CNKSR2: variants seen among roughly 807,000 people sequenced by gnomAD.
CNKSR2 encodes connector enhancer of kinase suppressor of Ras 2.
A neutral mutation model predicts 84.4 loss-of-function variants in CNKSR2; 14 were observed. The observed-to-expected ratio is 0.17, with a 90% confidence interval of 0.11 to 0.26. The LOEUF is 0.26. Ranked by LOEUF, CNKSR2 falls within the 10% of genes least tolerant of loss-of-function variation. The pLI, the probability that CNKSR2 is intolerant of heterozygous loss-of-function variation, is 1.00. For missense variants in CNKSR2, 485 were observed against 771.2 expected (o/e 0.63, Z 4.40); for synonymous variants, 275 against 277.9 (o/e 0.99, Z 0.10).
intron 8 of CNKSR2, chrX:21,503,322 TA>T (rs1213110652): frequency 6.8e-6 from 2 of 293,517 alleles, no homozygotes; most frequent in Admixed American, 1.2e-4. Context: ...GAAATTGACT[TA>T]TGGCTTTAAG....
At chrX:21,469,189 G>C (rs181337448) in intron 4 of CNKSR2, among the ~76,000 whole-genome samples, 2 of 111,513 alleles carry the variant, frequency 1.8e-5, no homozygotes, top group East Asian at 5.6e-4. Context: ...ATTCTGGGAA[G>C]GTAGGCAAAT....
chrX:21,632,144 T>A (rs1413339135), intron 20 of CNKSR2, among the ~76,000 whole-genome samples: 5 of 111,782 alleles, frequency 4.5e-5, no homozygotes, highest in Non-Finnish European at 9.4e-5. Flanking sequence ...AACCCACCCT[T>A]CTTAGCAGGT....
intron 18 of CNKSR2, among the ~76,000 whole-genome samples, chrX:21,603,070 T>C (rs1289500328): frequency 8.9e-6 from 1 of 112,379 alleles, no homozygotes; most frequent in Non-Finnish European, 1.9e-5. Flanking sequence ...ACTGGTAAGC[T>C]ATATAGTTGT....
intron 1 of CNKSR2, among the ~76,000 whole-genome samples, chrX:21,420,969 TTGTGGCCTAGAC>T (rs1417245162): frequency 9.0e-6 from 1 of 111,359 alleles, no homozygotes; most frequent in African/African-American, 3.3e-5. Context: ...TTTGCAGTCC[TTGTGGCCTAGAC>T]TGTGTTTCAA....
intron 1 of CNKSR2, among the ~76,000 whole-genome samples, chrX:21,413,268 T>C (rs553665574): frequency 9.0e-6 from 1 of 111,255 alleles, no homozygotes; most frequent in South Asian, 3.8e-4. Flanking sequence ...TGAATAAAAA[T>C]GTATACACAT....
chrX:21,419,240 T>C (rs1359795792), intron 1 of CNKSR2, among the ~76,000 whole-genome samples: 2 of 110,969 alleles, frequency 1.8e-5, no homozygotes, highest in East Asian at 5.7e-4. Flanking sequence ...TCTGCTTGAT[T>C]CTTTTAGATT....
intron 13 of CNKSR2, among the ~76,000 whole-genome samples, chrX:21,579,671 T>C (rs947317605): frequency 2.7e-5 from 3 of 111,974 alleles, no homozygotes; most frequent in African/African-American, 6.5e-5. Flanking sequence ...CTTTGTACCT[T>C]CCATCATATA....
intron 20 of CNKSR2, among the ~76,000 whole-genome samples, chrX:21,632,983 TATA>T (rs1481749277): frequency 9.9e-6 from 1 of 101,265 alleles, no homozygotes; most frequent in African/African-American, 3.8e-5. Flanking sequence ...TACACACTTA[TATA>T]ATATACACAC....
chrX:21,524,651 A>G (rs747558423), intron 9 of CNKSR2, among the ~76,000 whole-genome samples: 1 of 110,729 alleles, frequency 9.0e-6, no homozygotes, highest in African/African-American at 3.3e-5. Context: ...ACCATTGACT[A>G]CTACTATTTC....
intron 13 of CNKSR2, among the ~76,000 whole-genome samples, chrX:21,589,848 A>G (rs905881594): frequency 2.7e-5 from 3 of 111,664 alleles, no homozygotes; most frequent in East Asian, 5.6e-4. Flanking sequence ...AGTTAGGTCA[A>G]TGAACTGGAT....
intron 20 of CNKSR2, among the ~76,000 whole-genome samples, chrX:21,616,408 AT>A (rs1286896889): frequency 8.9e-6 from 1 of 111,737 alleles, no homozygotes; most frequent in Non-Finnish European, 1.9e-5. Flanking sequence ...CTTCCTTTCA[AT>A]TTTATTATTT....
At chrX:21,452,011 C>T (rs984619992) in intron 4 of CNKSR2, among the ~76,000 whole-genome samples, 1 of 111,579 alleles carries the variant, frequency 9.0e-6, no homozygotes, top group Non-Finnish European at 1.9e-5. Flanking sequence ...TGTCAAAACA[C>T]AGCTATTAAA....
rs147210156 is a variant in CNKSR2, at chrX:21,535,514, A to G, written c.1303+3447A>G. Among the ~76,000 whole-genome samples the G allele has an allele frequency of 9.5e-3, 1,059 of 111,106 alleles. 12 individuals carry two copies. The highest frequency in any genetic ancestry group is 0.031 in the African/African-American group (960 of 30,655). ...AATTCTTCTAATCCATGAAAATGTG[A>G]TGTCTTTCCATTTTTTGTGTTCTCT... is the stretch of plus-strand genomic sequence containing the variant. On this transcript the variant is annotated intron_variant, in intron 11 of 21. Transcript: ENST00000379510.
chrX:21,632,337 A>G (rs746342058), intron 20 of CNKSR2, among the ~76,000 whole-genome samples: 1 of 111,729 alleles, frequency 9.0e-6, no homozygotes, highest in Admixed American at 9.5e-5. Flanking sequence ...CCACACAACT[A>G]AGATGTGAAA....
intron 4 of CNKSR2, among the ~76,000 whole-genome samples, chrX:21,445,688 A>G (rs2090844552): frequency 8.9e-6 from 1 of 112,058 alleles, no homozygotes; most frequent in Non-Finnish European, 1.9e-5. Context: ...ATATGAGTGA[A>G]AACATGTAAT....
chrX:21,500,854 T>G (rs1238718244), intron 7 of CNKSR2, among the ~76,000 whole-genome samples: 1 of 111,643 alleles, frequency 9.0e-6, no homozygotes, highest in Non-Finnish European at 1.9e-5. Context: ...ATATGTAACA[T>G]GAGAAATAGC....
At chrX:21,612,590 A>G (rs189326358) in intron 20 of CNKSR2, among the ~76,000 whole-genome samples, 15 of 112,528 alleles carry the variant, frequency 1.3e-4, no homozygotes, top group Non-Finnish European at 2.3e-4. Flanking sequence ...GGAAGAAAAC[A>G]TGAAAATATA....
chrX:21,517,390 A>AC (rs2091738654), intron 9 of CNKSR2, among the ~76,000 whole-genome samples: 1 of 110,256 alleles, frequency 9.1e-6, no homozygotes, highest in African/African-American at 3.3e-5. Flanking sequence ...CTTAAAAAAA[A>AC]ATGTACCTTG....
chrX:21,433,821 TATAC>T (rs2090669798), intron 3 of CNKSR2, among the ~76,000 whole-genome samples: 1 of 110,555 alleles, frequency 9.0e-6, no homozygotes, highest in South Asian at 3.8e-4. Flanking sequence ...TATATATACT[TATAC>T]ATAATATAAA....
Sources: gnomAD v4.1 joint callset for allele counts (sites outside exome capture counted in the v4.1 genomes callset) on GRCh38, gnomAD v4.1.1 for gene constraint, MANE v1.5 for transcripts, NCBI Gene and HGNC (gene_info 2026-07-23, HGNC 2026-07-21) for gene names.